STPG2: variants seen among roughly 807,000 people sequenced by gnomAD.
The protein encoded by STPG2 is sperm tail PG-rich repeat containing 2.
A neutral mutation model predicts 54.2 loss-of-function variants in STPG2; 56 were observed. The ratio of observed to expected loss-of-function variants is 1.03; its 90% confidence interval spans 0.83 to 1.29. STPG2 has a LOEUF of 1.29. Among genes scored for constraint, STPG2 ranks in the 50% most tolerant of loss-of-function variants. STPG2 has a pLI of 0.00. For synonymous variants in STPG2, 200 were observed against 181.8 expected, an observed-to-expected ratio of 1.10 and a Z score of -0.81; for missense variants, 596 against 544.9, an observed-to-expected ratio of 1.09 and a Z score of -0.93.
intron 5 of STPG2, among the ~76,000 whole-genome samples, chr4:98,076,365 G>A (rs988239973): frequency 2.6e-5 from 4 of 151,996 alleles, no homozygotes; most frequent in African/African-American, 9.7e-5. Flanking sequence ...TATTAAAATT[G>A]ATGTAACTTT....
intron 9 of STPG2, among the ~76,000 whole-genome samples, chr4:97,732,751 AT>A (rs1405577390): frequency 1.3e-5 from 2 of 151,658 alleles, no homozygotes; most frequent in Non-Finnish European, 2.9e-5. Context: ...GAAAAAAAAA[AT>A]AATCACATTA....
intron 3 of STPG2, among the ~76,000 whole-genome samples, chr4:98,127,315 T>A (rs1273548293): frequency 6.6e-6 from 1 of 152,158 alleles, no homozygotes; most frequent in Non-Finnish European, 1.5e-5. Context: ...TTGAAATAAG[T>A]TACAATTAAA....
chr4:97,779,557 T>C (rs937727866), intron 9 of STPG2, among the ~76,000 whole-genome samples: 2 of 152,008 alleles, frequency 1.3e-5, no homozygotes, highest in African/African-American at 4.8e-5. Flanking sequence ...CAGGCCAACA[T>C]TCAAATTCAG....
intron 9 of STPG2, among the ~76,000 whole-genome samples, chr4:97,754,629 C>A (rs189594691): frequency 3.5e-4 from 53 of 152,202 alleles, no homozygotes; most frequent in Non-Finnish European, 6.5e-4. Context: ...TGTTGTTAGT[C>A]AATTATACTT....
chr4:97,545,582 G>A (rs947919838), intron 4 of STPG2, among the ~76,000 whole-genome samples: 2 of 152,092 alleles, frequency 1.3e-5, no homozygotes, highest in African/African-American at 4.8e-5. Context: ...AGAAAGCAAA[G>A]AGGTTAATTA....
chr4:97,782,718 G>C (rs902317682), intron 9 of STPG2, among the ~76,000 whole-genome samples: 1 of 152,088 alleles, frequency 6.6e-6, no homozygotes, highest in Non-Finnish European at 1.5e-5. Flanking sequence ...CATGGTACTG[G>C]TACCAAAACA....
chr4:97,811,108 G>T (rs1236769825), intron 9 of STPG2, among the ~76,000 whole-genome samples: 1 of 151,848 alleles, frequency 6.6e-6, no homozygotes, highest in African/African-American at 2.4e-5. Context: ...CAAAGAATAC[G>T]AATTACTGTT....
At chr4:98,127,419 A>G (rs1340596203) in intron 3 of STPG2, among the ~76,000 whole-genome samples, 2 of 152,206 alleles carry the variant, frequency 1.3e-5, no homozygotes, top group Non-Finnish European at 2.9e-5. Context: ...TGGTTTTTGA[A>G]GGTGCTTATG....
chr4:97,758,924 G>A (rs888322365), intron 9 of STPG2, among the ~76,000 whole-genome samples: 1 of 151,974 alleles, frequency 6.6e-6, no homozygotes, highest in Non-Finnish European at 1.5e-5. Flanking sequence ...TTAGCAAGAT[G>A]GCAGGAAGCT....
intron 10 of STPG2, among the ~76,000 whole-genome samples, chr4:97,659,820 C>A (rs1722323100): frequency 6.6e-6 from 1 of 152,156 alleles, no homozygotes; most frequent in Admixed American, 6.5e-5. Context: ...CTGGTGGACA[C>A]ATATTTTAAA....
chr4:97,946,584 G>C (rs1276004082), intron 7 of STPG2, among the ~76,000 whole-genome samples: 1 of 152,028 alleles, frequency 6.6e-6, no homozygotes, highest in Admixed American at 6.6e-5. Flanking sequence ...ATGAGATGTA[G>C]GGATTCAGTT....
intron 8 of STPG2, chr4:97,917,513 C>T (rs914156247): frequency 6.6e-6 from 1 of 151,870 alleles, no homozygotes; most frequent in Non-Finnish European, 1.5e-5. Context: ...CATATTTTTT[C>T]ATTTTTATGT....
intron 10 of STPG2, among the ~76,000 whole-genome samples, chr4:97,638,042 C>T (rs889527644): frequency 1.3e-5 from 2 of 152,114 alleles, no homozygotes; most frequent in Non-Finnish European, 2.9e-5. Flanking sequence ...CCAAGTCAAT[C>T]CTAAGCCAAA....
chr4:98,036,810 A>T (rs776642089), intron 5 of STPG2, among the ~76,000 whole-genome samples: 39 of 152,130 alleles, frequency 2.6e-4, no homozygotes, highest in Non-Finnish European at 4.1e-4. Context: ...ACTTAAAATA[A>T]AAGTTAAAAA....
At chr4:98,138,672 C>T (rs1161128824) in intron 1 of STPG2, among the ~76,000 whole-genome samples, 3 of 152,058 alleles carry the variant, frequency 2.0e-5, no homozygotes, top group Non-Finnish European at 1.5e-5. Flanking sequence ...AGATAGATTG[C>T]ATTCCCTGAT....
chr4:98,006,332 G>A (rs1735573911), intron 5 of STPG2, among the ~76,000 whole-genome samples: 1 of 152,196 alleles, frequency 6.6e-6, no homozygotes, highest in Non-Finnish European at 1.5e-5. Flanking sequence ...CAGGCCACAG[G>A]AAAGCACATT....
intron 5 of STPG2, among the ~76,000 whole-genome samples, chr4:98,043,944 C>A (rs2149309045): frequency 6.6e-6 from 1 of 151,952 alleles, no homozygotes; most frequent in South Asian, 2.1e-4. Context: ...CTCAAGTAGG[C>A]CCCAGTGTCT....
Position 98,062,926 on chromosome 4 carries a change from T to G in STPG2, c.612+43027A>C, listed in dbSNP as rs956769891. Among the ~76,000 whole-genome samples the G allele has an allele frequency of 1.6e-4, 25 of 151,938 alleles. 1 individual carries two copies. Among genetic ancestry groups the G allele is most frequent in the Non-Finnish European group, 4.4e-5 (3 of 67,988 alleles). On this transcript the variant is annotated intron_variant, in intron 5 of 10. Coordinates refer to ENST00000295268, the MANE Select transcript of STPG2 (RefSeq NM_174952.3). ...CTTCTTTTTTTAATTTTATAAAAAT[T>G]TGTTGTAAAGACTAGGTCTTACCAT... is the stretch of plus-strand genomic sequence containing the variant.
chr4:97,808,498 AT>A (rs572372479), intron 9 of STPG2, among the ~76,000 whole-genome samples: 37 of 151,910 alleles, frequency 2.4e-4, no homozygotes, highest in African/African-American at 8.4e-4. Flanking sequence ...TTTTAAAATA[AT>A]TTTTCAAAAT....
Sources: gnomAD v4.1 joint callset for allele counts (sites outside exome capture counted in the v4.1 genomes callset) on GRCh38, gnomAD v4.1.1 for gene constraint, MANE v1.5 for transcripts, NCBI Gene and HGNC (gene_info 2026-07-23, HGNC 2026-07-21) for gene names.